The following EPHA4 variants were observed in gnomAD, a reference collection of about 807,000 sequenced individuals.
The protein encoded by EPHA4 is ephrin type-A receptor 4.
EPHA4 carries 19 observed loss-of-function variants against 108.3 expected under a neutral mutation model. The ratio of observed to expected loss-of-function variants is 0.18; its 90% CI spans 0.12 to 0.26. EPHA4 has a LOEUF of 0.26. Among genes scored for constraint, EPHA4 ranks in the 10% least tolerant of loss-of-function variants. EPHA4 has a pLI of 1.00. For synonymous variants in EPHA4, 449 were observed against 455.5 expected (o/e 0.99, Z 0.18); for missense variants, 917 against 1,254.0 (o/e 0.73, Z 4.06).
chr2:221,566,830 A>G (rs1164973374), intron 2 of EPHA4, among the ~76,000 whole-genome samples: 3 of 129,100 alleles, frequency 2.3e-5, no homozygotes, highest in African/African-American at 9.3e-5. Flanking sequence ...GAAGAAGGAG[A>G]AGGAGAAGAA....
chr2:221,422,374 G>A (rs1334621866), intron 17 of EPHA4, among the ~76,000 whole-genome samples: 1 of 152,130 alleles, frequency 6.6e-6, no homozygotes, highest in Admixed American at 6.5e-5. Flanking sequence ...GGTTGGTAAT[G>A]GTTTCTTTTG....
chr2:221,543,857 T>A (rs1693908008), intron 3 of EPHA4, among the ~76,000 whole-genome samples: 1 of 152,222 alleles, frequency 6.6e-6, no homozygotes, highest in South Asian at 2.1e-4. Context: ...TGTATCTTCA[T>A]CTGTTCGGGC....
At position 221,566,848 on chromosome 2, in the gene EPHA4, GAGAAGGAGAAGAAGAAGA is replaced by G. The variant is rs1559297040; in HGVS notation, c.159+1852_159+1869del. The stretch of plus-strand genomic sequence containing the variant: ...GAAGGAGAAGGAGAAGAAGGAGAAG[GAGAAGGAGAAGAAGAAGA>G]AGAAGAAGAAGGAGAAGGAGAAGGA... On this transcript the variant is annotated intron_variant, in intron 2 of 17. Coordinates refer to ENST00000281821, the MANE Select transcript of EPHA4 (RefSeq NM_004438.5). 5.1e-4 allele frequency among the ~76,000 whole-genome samples: 20 copies of G among 39,512 alleles called. 2 individuals are homozygous for G. Among genetic ancestry groups the G allele is most frequent in the African/African-American group, 2.7e-3 (19 of 6,978 alleles). 25.9% of individuals were successfully genotyped at this position (39,512 alleles called of 152,430 possible).
At chr2:221,508,755 G>T (rs186099175) in intron 3 of EPHA4, among the ~76,000 whole-genome samples, 434 of 152,136 alleles carry the variant, frequency 2.9e-3, no homozygotes, top group African/African-American at 9.7e-3. Context: ...CAAAGAGAAA[G>T]GAAAAGAGAT....
At chr2:221,433,260 G>C (rs1690136849) in intron 14 of EPHA4, among the ~76,000 whole-genome samples, 1 of 152,146 alleles carries the variant, frequency 6.6e-6, no homozygotes, top group Non-Finnish European at 1.5e-5. Flanking sequence ...TTCCACCACA[G>C]AGAGAATTTT....
rs1319596197 is a variant in EPHA4, at chr2:221,480,132, CT to C, written c.1318+2219del. 2.0e-5 allele frequency among the ~76,000 whole-genome samples: 3 copies of C among 146,896 alleles called. No individual in the cohort carries two copies. In the Admixed American group the frequency reaches 2.1e-4, roughly 10 times the overall value. On this transcript the variant is annotated intron_variant, in intron 5 of 17. Transcript: ENST00000281821. Reference sequence around the variant, plus strand: ...TGTGTCTTCTTTGTGCTCTCTGGACCTTTTGCCCCAGTAGGTGTTGACATAA... The same window carrying C: ...TGTGTCTTCTTTGTGCTCTCTGGACCTTTGCCCCAGTAGGTGTTGACATAA...
At chr2:221,447,908 C>T (rs890785497) in intron 8 of EPHA4, among the ~76,000 whole-genome samples, 1 of 151,830 alleles carries the variant, frequency 6.6e-6, no homozygotes, top group South Asian at 2.1e-4. Context: ...GTGCTATGAT[C>T]TCAGCTCACT....
intron 3 of EPHA4, among the ~76,000 whole-genome samples, chr2:221,542,646 C>T (rs987479552): frequency 1.3e-5 from 2 of 152,262 alleles, no homozygotes; most frequent in Non-Finnish European, 2.9e-5. Flanking sequence ...TTTAACAATG[C>T]CTTTTTGAAA....
intron 5 of EPHA4, among the ~76,000 whole-genome samples, chr2:221,460,217 A>G (rs1438331319): frequency 6.6e-6 from 1 of 152,198 alleles, no homozygotes; most frequent in African/African-American, 2.4e-5. Flanking sequence ...AACAGAGTGT[A>G]CCTTGACACA....
intron 5 of EPHA4, among the ~76,000 whole-genome samples, chr2:221,465,566 A>G: frequency 6.6e-6 from 1 of 152,154 alleles, no homozygotes; most frequent in African/African-American, 2.4e-5. Context: ...GCCAAAGACT[A>G]CCTTCCTAGA....
Position 221,430,082 on chromosome 2 carries a change from G to A in EPHA4, c.2566C>T (p.Leu856=). 6.2e-7 allele frequency: 1 copy of A among 1,613,852 alleles called. No individual in the cohort carries two copies. Among genetic ancestry groups the A allele is most frequent in the East Asian group, 2.2e-5 (1 of 44,876 alleles). The part of the protein sequence containing the change: ...PMDCPIALHQ[L]MLDCWQKERS... ...TCCTTCTGCCAGCAGTCTAGCATCAGCTGGTGGAGCGCAATGGGGCAGTCC... is the reference window on the plus strand; with the variant it reads ...TCCTTCTGCCAGCAGTCTAGCATCAACTGGTGGAGCGCAATGGGGCAGTCC... The change falls in exon 15 of 18, where the codon CTG becomes TTG. Residue 856 remains leucine, a synonymous_variant. Coordinates refer to ENST00000281821, the MANE Select transcript of EPHA4 (RefSeq NM_004438.5).
chr2:221,435,860 C>G (rs778487220), intron 13 of EPHA4, among the ~76,000 whole-genome samples: 17 of 150,504 alleles, frequency 1.1e-4, no homozygotes, highest in Middle Eastern at 3.4e-3. Context: ...CAACTAGAAA[C>G]ATTGCTTTGT....
chr2:221,486,965 C>T (rs927042857), intron 4 of EPHA4, among the ~76,000 whole-genome samples: 1 of 152,068 alleles, frequency 6.6e-6, no homozygotes, highest in Non-Finnish European at 1.5e-5. Flanking sequence ...GTCAACTTTT[C>T]ACATACAGAT....
intron 3 of EPHA4, among the ~76,000 whole-genome samples, chr2:221,511,053 C>T (rs536818313): frequency 6.6e-6 from 1 of 152,208 alleles, no homozygotes; most frequent in East Asian, 1.9e-4. Context: ...AGCAATGAGG[C>T]CACCAAATTT....
At chr2:221,478,984 C>A (rs1164935111) in intron 5 of EPHA4, among the ~76,000 whole-genome samples, 3 of 152,200 alleles carry the variant, frequency 2.0e-5, no homozygotes, top group Non-Finnish European at 4.4e-5. Context: ...TGTTTATTAA[C>A]CCCCTAAGAC....
At chr2:221,470,639 G>T (rs1691454140) in intron 5 of EPHA4, among the ~76,000 whole-genome samples, 1 of 141,032 alleles carries the variant, frequency 7.1e-6, no homozygotes, top group Admixed American at 7.2e-5. Flanking sequence ...TCACTTTAGG[G>T]AACCTTTTTT....
chr2:221,540,603 A>G (rs1693805764), intron 3 of EPHA4, among the ~76,000 whole-genome samples: 1 of 152,214 alleles, frequency 6.6e-6, no homozygotes, highest in Admixed American at 6.5e-5. Context: ...GAAGTAGGAA[A>G]GGCAATCACT....
intron 2 of EPHA4, among the ~76,000 whole-genome samples, chr2:221,565,928 A>G (rs1187495854): frequency 3.3e-5 from 5 of 152,228 alleles, no homozygotes; most frequent in Non-Finnish European, 7.4e-5. Context: ...GAGTTCATGC[A>G]GGATAATTCA....
intron 3 of EPHA4, among the ~76,000 whole-genome samples, chr2:221,503,664 A>C (rs1163288264): frequency 6.6e-6 from 1 of 152,210 alleles, no homozygotes; most frequent in Non-Finnish European, 1.5e-5. Context: ...CTGTTCTTTA[A>C]ACAGACACTC....
Sources: allele counts gnomAD v4.1 joint callset (sites outside exome capture counted in the v4.1 genomes callset), GRCh38; gene constraint gnomAD v4.1.1; transcripts MANE v1.5; gene names NCBI Gene and HGNC (gene_info 2026-07-23, HGNC 2026-07-21).